GULP1: variants seen among roughly 807,000 people sequenced by gnomAD.
GULP1 encodes PTB domain-containing engulfment adapter protein 1.
In GULP1, 19 loss-of-function variants were observed where a neutral mutation model predicts 40.9. The observed-to-expected ratio is 0.46, with a 90% confidence interval of 0.32 to 0.68. The LOEUF is 0.68. Among genes scored for constraint, GULP1 ranks in the 30% least tolerant of loss-of-function variants. The pLI, the probability that GULP1 is intolerant of heterozygous loss-of-function variation, is 0.03. For missense variants in GULP1, 312 were observed against 362.2 expected, an observed-to-expected ratio of 0.86 and a Z score of 1.12; for synonymous variants, 119 against 117.6, an observed-to-expected ratio of 1.01 and a Z score of -0.08.
Position 188,351,208 on chromosome 2 carries a change from G to A in GULP1, c.-171-32555G>A, listed in dbSNP as rs552700522. On this transcript the variant is annotated intron_variant, in intron 1 of 11. Transcript: ENST00000409830. Reference sequence around the variant, plus strand: ...ATTTTTTTTATTAGGCAGATATAAAGTGGAAAGTTTAATTTTAATGAAAAT... The same window carrying A: ...ATTTTTTTTATTAGGCAGATATAAAATGGAAAGTTTAATTTTAATGAAAAT... Among the ~76,000 whole-genome samples the A allele has an allele frequency of 1.3e-4, 20 of 152,108 alleles. 1 individual carries two copies. The South Asian group carries it at 3.9e-3, about 30-fold the overall frequency.
In GULP1 at chr2:188,581,404, G is replaced by A. The variant is rs553635758; in HGVS notation, c.610-2861G>A. Among the ~76,000 whole-genome samples, 4 of 152,246 alleles carry A rather than the reference G, an allele frequency of 2.6e-5. No individual in the cohort carries two copies. In the East Asian group the frequency reaches 7.7e-4, roughly 29 times the overall value. The stretch of plus-strand genomic sequence containing the variant: ...TCCTTGGGGAAAATGGAGCATTGAT[G>A]GAGCAGGCACCTTCTCTCTGGCCTC... On this transcript the variant is annotated intron_variant, in intron 9 of 11. Transcript: ENST00000409830.
intron 2 of GULP1, among the ~76,000 whole-genome samples, chr2:188,390,643 T>G (rs1236914381): frequency 6.6e-6 from 1 of 152,072 alleles, no homozygotes; most frequent in Non-Finnish European, 1.5e-5. Context: ...TTTATATTTG[T>G]TTTTGTTGCA....
At chr2:188,386,808 C>T (rs1050828591) in intron 2 of GULP1, among the ~76,000 whole-genome samples, 6 of 151,804 alleles carry the variant, frequency 4.0e-5, no homozygotes, top group African/African-American at 9.7e-5. Flanking sequence ...AATAATTTTC[C>T]TAATGAAACC....
chr2:188,592,557 G>A (rs369327978), intron 11 of GULP1: 8 of 151,896 alleles, frequency 5.3e-5, no homozygotes, highest in Admixed American at 2.0e-4. Flanking sequence ...TGTATTCCAA[G>A]TACTGGAAAG....
intron 4 of GULP1, among the ~76,000 whole-genome samples, chr2:188,505,735 T>TA (rs1040488683): frequency 2.6e-5 from 4 of 151,840 alleles, no homozygotes; most frequent in Non-Finnish European, 5.9e-5. Flanking sequence ...TGATTTGCTG[T>TA]AAACTCTTTC....
Position 188,594,045 on chromosome 2 carries a change from T to G in GULP1, c.*34T>G, listed in dbSNP as rs199874668. ...ACAAGAAATCCTGATTCATGTTAAA[T>G]GTGTTTGTATACACATGTCATTTAT... On this transcript the variant is annotated 3_prime_UTR_variant, in exon 12 of 12. Coordinates refer to ENST00000409830, the MANE Select transcript of GULP1 (RefSeq NM_016315.4). The G allele has an allele frequency of 1.8e-6, 2 of 1,098,602 alleles. No individual in the cohort carries two copies. The highest frequency in any genetic ancestry group is 3.1e-5 in the African/African-American group (2 of 65,226). The allele number at this position is 1,098,602 out of a possible 1,614,324, so 68.1% of individuals were successfully genotyped here.
chr2:188,445,166 G>GACA (rs2058277359), intron 2 of GULP1, among the ~76,000 whole-genome samples: 1 of 152,048 alleles, frequency 6.6e-6, no homozygotes, highest in African/African-American at 2.4e-5. Flanking sequence ...CATAAACCTT[G>GACA]ACGTTTGATG....
intron 2 of GULP1, among the ~76,000 whole-genome samples, chr2:188,426,522 A>G (rs570524415): frequency 6.6e-6 from 1 of 152,244 alleles, no homozygotes; most frequent in East Asian, 1.9e-4. Flanking sequence ...TCATTTCAGA[A>G]TGTGTCAAAT....
At chr2:188,375,969 C>T (rs1031806324) in intron 1 of GULP1, among the ~76,000 whole-genome samples, 4 of 151,920 alleles carry the variant, frequency 2.6e-5, no homozygotes, top group African/African-American at 9.7e-5. Context: ...ATGCGGAACC[C>T]GTATATATGA....
At chr2:188,388,127 G>A (rs1020877606) in intron 2 of GULP1, among the ~76,000 whole-genome samples, 2 of 151,100 alleles carry the variant, frequency 1.3e-5, no homozygotes, top group East Asian at 2.0e-4. Flanking sequence ...GAGAACATGC[G>A]GTGTTTGGTT....
chr2:188,437,271 T>G (rs2057494352), intron 2 of GULP1, among the ~76,000 whole-genome samples: 1 of 152,084 alleles, frequency 6.6e-6, no homozygotes, highest in Non-Finnish European at 1.5e-5. Context: ...TTGCAAATGC[T>G]CTTTCAGGCT....
intron 11 of GULP1, chr2:188,589,534 T>A (rs987482891): frequency 1.6e-5 from 6 of 365,940 alleles, no homozygotes; most frequent in African/African-American, 1.3e-4. Context: ...ATTTTTTAGA[T>A]TTTCCCAAAA....
At chr2:188,472,370 A>C (rs1026961399) in intron 2 of GULP1, among the ~76,000 whole-genome samples, 1 of 152,100 alleles carries the variant, frequency 6.6e-6, no homozygotes, top group Non-Finnish European at 1.5e-5. Context: ...TTCTACTCCT[A>C]TCTCTTTCTC....
chr2:188,486,220 A>C (rs2061850436), intron 4 of GULP1, among the ~76,000 whole-genome samples: 2 of 152,174 alleles, frequency 1.3e-5, no homozygotes, highest in South Asian at 4.1e-4. Context: ...ACCTCTTAGG[A>C]AGTTATTTTA....
intron 7 of GULP1, among the ~76,000 whole-genome samples, chr2:188,563,462 T>C (rs1211156360): frequency 6.7e-6 from 1 of 150,348 alleles, no homozygotes; most frequent in Non-Finnish European, 1.5e-5. Flanking sequence ...AAGTAGAAAA[T>C]CTGAATATAT....
intron 2 of GULP1, among the ~76,000 whole-genome samples, chr2:188,395,548 C>T (rs1485206372): frequency 6.6e-6 from 1 of 152,184 alleles, no homozygotes; most frequent in Non-Finnish European, 1.5e-5. Flanking sequence ...AGATTTTCCC[C>T]ACTGAGCCTG....
Position 188,477,632 on chromosome 2 carries a change from T to G in GULP1, c.-44-27T>G, listed in dbSNP as rs1020291991. The G allele has an allele frequency of 2.5e-6, 3 of 1,195,580 alleles. No individual in the cohort carries two copies. The African/African-American group carries it at 4.7e-5, about 19-fold the overall frequency. 74.1% of individuals were successfully genotyped at this position (1,195,580 alleles called of 1,614,324 possible). ...AGGTCAGTCAACAGTCCTTTGTTTA[T>G]GTTTTAATATTTTGTCACTTTTACA... is the stretch of plus-strand genomic sequence containing the variant. On this transcript the variant is annotated intron_variant, in intron 2 of 11. Coordinates refer to ENST00000409830, the MANE Select transcript of GULP1 (RefSeq NM_016315.4).
At chr2:188,512,414 T>A (rs893018849) in intron 4 of GULP1, among the ~76,000 whole-genome samples, 3 of 152,126 alleles carry the variant, frequency 2.0e-5, no homozygotes, top group Non-Finnish European at 4.4e-5. Flanking sequence ...TACATAAAAT[T>A]GGCATATTTT....
At chr2:188,318,662 A>G (rs1020093949) in intron 1 of GULP1, among the ~76,000 whole-genome samples, 7 of 152,160 alleles carry the variant, frequency 4.6e-5, no homozygotes, top group Non-Finnish European at 8.8e-5. Context: ...GTTAACTCCC[A>G]AGTTACCACT....
Sources: allele counts gnomAD v4.1 joint callset (sites outside exome capture counted in the v4.1 genomes callset), GRCh38; gene constraint gnomAD v4.1.1; transcripts MANE v1.5; gene names NCBI Gene and HGNC (gene_info 2026-07-23, HGNC 2026-07-21).